The following SMAD6 variants were observed in gnomAD, a reference collection of about 807,000 sequenced individuals.
The protein encoded by SMAD6 is MAD homolog 6.
Under a neutral mutation model 39.4 loss-of-function variants are expected in SMAD6, and 103 were observed. The ratio of observed to expected loss-of-function variants is 2.62; its 90% CI spans 2.23 to 3.08. The LOEUF is 3.08. SMAD6 is among the 30% of genes most tolerant of loss of function. The pLI is 0.00. For synonymous variants in SMAD6, 445 were observed against 353.3 expected (o/e 1.26, Z -2.91); for missense variants, 1,104 against 742.9 (o/e 1.49, Z -5.65).
intron 3 of SMAD6, among the ~76,000 whole-genome samples, chr15:66,760,276 G>T (rs1010010400): frequency 6.6e-6 from 1 of 152,126 alleles, no homozygotes; most frequent in Non-Finnish European, 1.5e-5. Context: ...ATGTGTCTCG[G>T]TCTCCTGGTG....
chr15:66,728,003 A>G (rs957204832), intron 3 of SMAD6, among the ~76,000 whole-genome samples: 4 of 151,920 alleles, frequency 2.6e-5, no homozygotes, highest in Admixed American at 2.6e-4. Context: ...ACAGGCATGC[A>G]CCACCACGCC....
rs1893006126 is a variant in SMAD6 at position 66,702,979 on chromosome 15, G to A, written c.-280G>A. 9.6e-6 allele frequency: 3 copies of A among 312,370 alleles called. No homozygotes were observed. The highest frequency in any genetic ancestry group is 4.3e-5 in the African/African-American group (2 of 46,408). The allele number at this position is 312,370 out of a possible 1,614,324, so 19.3% of individuals were successfully genotyped here. ...GCCCCCCTAAAGCGCGGGGGCTGGAGTTGTTGAGCAGCCCCGCCGCTGTGG... is the reference window on the plus strand; with the variant it reads ...GCCCCCCTAAAGCGCGGGGGCTGGAATTGTTGAGCAGCCCCGCCGCTGTGG... On this transcript the variant is annotated 5_prime_UTR_variant, in exon 1 of 4. Coordinates refer to ENST00000288840, the MANE Select transcript of SMAD6 (RefSeq NM_005585.5).
At chr15:66,745,815 C>G (rs888526064) in intron 3 of SMAD6, among the ~76,000 whole-genome samples, 3 of 152,186 alleles carry the variant, frequency 2.0e-5, no homozygotes, top group African/African-American at 7.2e-5. Flanking sequence ...GGTAGATGCT[C>G]TTTGAGTTCT....
intron 3 of SMAD6, among the ~76,000 whole-genome samples, chr15:66,769,546 G>C (rs1326298649): frequency 6.6e-6 from 1 of 152,196 alleles, no homozygotes; most frequent in Non-Finnish European, 1.5e-5. Flanking sequence ...GCAGGAGATG[G>C]TGAGGCCAAG....
intron 3 of SMAD6, among the ~76,000 whole-genome samples, chr15:66,743,921 G>GGGCT (rs1264486305): frequency 6.6e-6 from 1 of 151,872 alleles, no homozygotes; most frequent in Non-Finnish European, 1.5e-5. Context: ...CAATCCCCCA[G>GGGCT]GGCTGGATAT....
intron 3 of SMAD6, among the ~76,000 whole-genome samples, chr15:66,726,354 G>A (rs974599807): frequency 6.6e-6 from 1 of 152,308 alleles, no homozygotes; most frequent in African/African-American, 2.4e-5. Context: ...AGGACAGACT[G>A]CACAGAGAGG....
intron 3 of SMAD6, among the ~76,000 whole-genome samples, chr15:66,752,997 A>T (rs1388484395): frequency 6.6e-6 from 1 of 152,186 alleles, no homozygotes. Flanking sequence ...CATGTGCTGC[A>T]TGCTTTCAGT....
Position 66,704,045 on chromosome 15 carries a change from C to G in SMAD6, c.787C>G (p.Pro263Ala), listed in dbSNP as rs1382712515. Residue 263 changes from proline to alanine, a missense_variant, in exon 1 of 4, where the codon CCC (proline) becomes GCC (alanine). Pro to Ala is a conservative substitution (Grantham distance 27). Coordinates refer to ENST00000288840, the MANE Select transcript of SMAD6 (RefSeq NM_005585.5). ...AADGPTVCCN[P>A]YHFSRLCGPE... ...CGACGGCCCTACCGTGTGCTGCAAC[C>G]CCTACCACTTCAGCCGGCTCTGCGG... 5 of 1,510,466 alleles carry G rather than the reference C, an allele frequency of 3.3e-6. No homozygotes were observed. The highest frequency in any genetic ancestry group is 1.4e-5 in the African/African-American group (1 of 69,494). 93.6% of individuals were successfully genotyped at this position (1,510,466 alleles called of 1,614,324 possible).
At position 66,767,743 on chromosome 15, in the gene SMAD6, C is replaced by T. The variant is rs558204069; in HGVS notation, c.953-13254C>T. ...TATTAGCTTTTTGTTAATTATAAAG[C>T]ATTCCGGTTTGTTCCAGAAACACAC... On this transcript the variant is annotated intron_variant, in intron 3 of 3. Transcript: ENST00000288840. Among the ~76,000 whole-genome samples the T allele has an allele frequency of 2.6e-4, 39 of 152,334 alleles. 1 individual carries two copies. The South Asian group carries it at 7.7e-3, about 30-fold the overall frequency.
intron 1 of SMAD6, 47 bp from the exon 2 acceptor site, chr15:66,711,621 G>A: frequency 6.9e-7 from 1 of 1,447,872 alleles, no homozygotes; most frequent in South Asian, 1.1e-5. Flanking sequence ...AACCTGAGGT[G>A]TGAGCTCCCC....
At chr15:66,720,102 C>A (rs1347106016) in intron 3 of SMAD6, among the ~76,000 whole-genome samples, 3 of 152,202 alleles carry the variant, frequency 2.0e-5, no homozygotes, top group Non-Finnish European at 4.4e-5. Context: ...TCCAAGGCCC[C>A]TGTCAGGCTG....
At chr15:66,711,787 A>G (rs1893236865) in intron 2 of SMAD6, 63 bp downstream of exon 2, 4 of 1,339,236 alleles carry the variant, frequency 3.0e-6, no homozygotes, top group Admixed American at 1.7e-5. Context: ...TCTTCAGCCC[A>G]GTGTCTGTCC....
rs1567115899 is a variant in SMAD6 at position 66,781,153 on chromosome 15, A to G, written c.1109A>G (p.Gln370Arg). 2 of 1,608,326 alleles carry G rather than the reference A, an allele frequency of 1.2e-6. No individual in the cohort carries two copies. Among genetic ancestry groups the G allele is most frequent in the Non-Finnish European group, 1.7e-6 (2 of 1,179,760 alleles). ...LPQGSGFCLG[Q>R]LNLEQRSESV... The stretch of plus-strand genomic sequence containing the variant: ...CAGGGCAGCGGCTTCTGCCTGGGCC[A>G]GCTCAACCTGGAGCAGCGCAGCGAG... Residue 370 changes from glutamine (Q) to arginine (R), a missense_variant, in exon 4 of 4, where the codon CAG becomes CGG. Gln to Arg is a conservative substitution (Grantham distance 43). Coordinates refer to ENST00000288840, the MANE Select transcript of SMAD6 (RefSeq NM_005585.5).
intron 2 of SMAD6, among the ~76,000 whole-genome samples, chr15:66,712,822 C>T (rs964345827): frequency 6.6e-6 from 1 of 151,518 alleles, no homozygotes; most frequent in East Asian, 1.9e-4. Flanking sequence ...GCCTGGGCAA[C>T]ATAGCAAGAC....
intron 3 of SMAD6, among the ~76,000 whole-genome samples, chr15:66,760,314 G>T (rs1894176054): frequency 6.6e-6 from 1 of 152,166 alleles, no homozygotes; most frequent in South Asian, 2.1e-4. Flanking sequence ...CCCATCATGG[G>T]TGCTAGGCAG....
At chr15:66,714,100 C>T (rs1277814552) in intron 2 of SMAD6, among the ~76,000 whole-genome samples, 1 of 152,168 alleles carries the variant, frequency 6.6e-6, no homozygotes, top group East Asian at 1.9e-4. Flanking sequence ...GAGAAAAAAA[C>T]CCTCAAAAGT....
chr15:66,777,724 G>A (rs1894491024), intron 3 of SMAD6, among the ~76,000 whole-genome samples: 1 of 152,226 alleles, frequency 6.6e-6, no homozygotes, highest in African/African-American at 2.4e-5. Context: ...AGGAAGGAGA[G>A]GTCAGAGAGG....
At chr15:66,755,908 G>A (rs1444248443) in intron 3 of SMAD6, among the ~76,000 whole-genome samples, 1 of 152,152 alleles carries the variant, frequency 6.6e-6, no homozygotes, top group Admixed American at 6.5e-5. Context: ...GGGCTGAGCT[G>A]GGTTTGGCCC....
At chr15:66,761,013 A>G (rs1400415574) in intron 3 of SMAD6, among the ~76,000 whole-genome samples, 2 of 152,324 alleles carry the variant, frequency 1.3e-5, no homozygotes, top group East Asian at 3.9e-4. Flanking sequence ...CATGAATGAG[A>G]ACCTCCAGGG....
Sources: gnomAD v4.1 joint callset for allele counts (sites outside exome capture counted in the v4.1 genomes callset) on GRCh38, gnomAD v4.1.1 for gene constraint, MANE v1.5 for transcripts, NCBI Gene and HGNC (gene_info 2026-07-23, HGNC 2026-07-21) for gene names.